The following IRX6 variants were observed in gnomAD, a reference collection of about 807,000 sequenced individuals.
The protein encoded by IRX6 is iroquois homeobox 6, also known as iroquois-class homeodomain protein IRX-6.
IRX6 carries 46 observed loss-of-function variants against 47.7 expected under a neutral mutation model. The observed-to-expected ratio is 0.96, with a 90% CI of 0.76 to 1.23. The LOEUF is 1.23. IRX6 is among the 50% of genes most tolerant of loss of function. The pLI, the probability that IRX6 is intolerant of heterozygous loss-of-function variation, is 0.00. For synonymous variants in IRX6, 265 were observed against 246.2 expected, an observed-to-expected ratio of 1.08 and a Z score of -0.72; for missense variants, 722 against 588.0, an observed-to-expected ratio of 1.23 and a Z score of -2.36.
chr16:55,329,232 G>T lies in IRX6; in HGVS notation c.1254G>T (p.Gln418His). Residue 418 changes from glutamine to histidine, a missense_variant, in exon 5 of 6, where the codon CAG becomes CAT. Physicochemically the swap from Gln to His is conservative, Grantham distance 24. Coordinates refer to ENST00000290552, the MANE Select transcript of IRX6 (RefSeq NM_024335.3). ...KAFGNPKFAL[Q>H]GLPLNCAPCP... ...TTGGAAACCCCAAGTTTGCCCTGCA[G>T]GGACTACCGCTGAACTGTGCGCCGT... The T allele has an allele frequency of 2.0e-5, 33 of 1,613,930 alleles. No individual in the cohort carries two copies. The highest frequency in any genetic ancestry group is 2.8e-5 in the Non-Finnish European group (33 of 1,180,054).
chr16:55,325,042 T>G lies in IRX6; in HGVS notation c.-50T>G, dbSNP rs771569037. The G allele has an allele frequency of 1.9e-6, 3 of 1,600,238 alleles. No homozygotes were observed. The highest frequency in any genetic ancestry group is 1.7e-6 in the Non-Finnish European group (2 of 1,167,828). Reference sequence around the variant, plus strand: ...TGCTGGGGGCGCGGAACAGCTGGGCTGAGACGGGAACTCGACAGGGAAGAG... The same window carrying G: ...TGCTGGGGGCGCGGAACAGCTGGGCGGAGACGGGAACTCGACAGGGAAGAG... On this transcript the variant is annotated 5_prime_UTR_variant, in exon 1 of 6. Transcript: ENST00000290552.
chr16:55,327,676 C>T lies in IRX6; in HGVS notation c.504C>T (p.His168=), dbSNP rs1407624383. ...CACTCAAGGCCTGGCTCAACGAGCACCGCAAAAACCCCTACCCCACTAAGG... is the reference window on the plus strand; with the variant it reads ...CACTCAAGGCCTGGCTCAACGAGCATCGCAAAAACCCCTACCCCACTAAGG... ...TSTLKAWLNE[H]RKNPYPTKGE... is the part of the protein sequence containing the mutation. Residue 168 remains histidine (H), a synonymous_variant, in exon 4 of 6, where the codon CAC becomes CAT. Transcript: ENST00000290552. 7 of 1,612,302 alleles carry T rather than the reference C, an allele frequency of 4.3e-6. No individual in the cohort carries two copies. The highest frequency in any genetic ancestry group is 5.9e-6 in the Non-Finnish European group (7 of 1,180,020).
chr16:55,327,966 C>T (rs1960567153), intron 4 of IRX6, 73 bp downstream of exon 4: 2 of 1,462,900 alleles, frequency 1.4e-6, no homozygotes, highest in Non-Finnish European at 1.8e-6. Flanking sequence ...TCAAAAGCTG[C>T]CCTGTAGGGT....
intron 4 of IRX6, 62 bp from the exon 5 acceptor site, chr16:55,328,638 G>T: frequency 6.4e-7 from 1 of 1,551,958 alleles, no homozygotes; most frequent in South Asian, 1.2e-5. Context: ...CTCGGGGATG[G>T]ACATTCCTCG....
Position 55,330,688 on chromosome 16 carries a change from A to G in IRX6, c.*383A>G, listed in dbSNP as rs917943808. The G allele has an allele frequency of 6.7e-5, 21 of 314,460 alleles. No homozygotes were observed. The highest frequency in any genetic ancestry group is 1.3e-4 in the African/African-American group (6 of 47,622). The allele number at this position is 314,460 out of a possible 1,614,324, so 19.5% of individuals were successfully genotyped here. On this transcript the variant is annotated 3_prime_UTR_variant, in exon 6 of 6. Transcript: ENST00000290552. Reference sequence around the variant, plus strand: ...TGTAACTTCATCACTGACCCGGCCAATAAGGACCCTGTGCGTCTTCTCCCC... The same window carrying G: ...TGTAACTTCATCACTGACCCGGCCAGTAAGGACCCTGTGCGTCTTCTCCCC...
chr16:55,327,480 G>A (rs1478409523), intron 3 of IRX6, 75 bp downstream of exon 3: 29 of 1,566,116 alleles, frequency 1.9e-5, no homozygotes, highest in Non-Finnish European at 2.4e-5. Flanking sequence ...GTGGATGGCG[G>A]CAGGGGAGAG....
chr16:55,327,601 A>G lies in IRX6; in HGVS notation c.429A>G (p.Glu143=), dbSNP rs1960555271. 6.2e-7 allele frequency: 1 copy of G among 1,604,450 alleles called. No individual in the cohort carries two copies. The highest frequency in any genetic ancestry group is 8.5e-7 in the Non-Finnish European group (1 of 1,175,926). ...TCCCCCACAGGTATGGCGCAGTGGA[A>G]TTGAGTGGCGCCGGTCGCCGAAAGA... ...QYQYERYGAV[E]LSGAGRRKNA... The change falls in exon 4 of 6, where the codon GAA becomes GAG. Residue 143 remains glutamate (E), a synonymous_variant. Coordinates refer to ENST00000290552, the MANE Select transcript of IRX6 (RefSeq NM_024335.3).
rs201852173 is a variant in IRX6, at chr16:55,329,316, T to C, written c.1333+5T>C. 6.0e-5 allele frequency: 95 copies of C among 1,591,104 alleles called. 2 individuals carry two copies. The African/African-American group carries it at 1.2e-3, about 20-fold the overall frequency. On this transcript the variant is annotated splice_donor_5th_base_variant and intron_variant, in intron 5 of 5. Transcript: ENST00000290552. ...AGTACCCGTCTGGAGCAGAAGGTAG[T>C]GGGCCCCCAGCGGCGCTGGGAGTAT...
chr16:55,327,780 G>A lies in IRX6; in HGVS notation c.608G>A (p.Arg203His), dbSNP rs774494418. 17 of 1,612,372 alleles carry A rather than the reference G, an allele frequency of 1.1e-5. No individual in the cohort carries two copies. The highest frequency in any genetic ancestry group is 9.9e-5 in the South Asian group (9 of 91,004). Residue 203 changes from arginine (R) to histidine (H), a missense_variant, in exon 4 of 6, where the codon CGC (arginine) becomes CAC (histidine). Arg to His is a conservative substitution (Grantham distance 29, BLOSUM62 0). Transcript: ENST00000290552. ...ACCTGGTTCGCCAACGCACGCCGGCGCCTCAAGAAAGAGAACAAAATGACA... is the reference window on the plus strand; with the variant it reads ...ACCTGGTTCGCCAACGCACGCCGGCACCTCAAGAAAGAGAACAAAATGACA... Reference protein sequence around the residue: ...VSTWFANARRRLKKENKMTWA... With the variant: ...VSTWFANARRHLKKENKMTWA...
chr16:55,327,075 C>T (rs1254086169), intron 2 of IRX6: 2 of 553,706 alleles, frequency 3.6e-6, no homozygotes, highest in East Asian at 5.8e-5. Flanking sequence ...AAGCATTCTG[C>T]CAGCATGGTC....
At chr16:55,329,732 G>T (rs886423260) in intron 5 of IRX6, among the ~76,000 whole-genome samples, 6 of 152,198 alleles carry the variant, frequency 3.9e-5, no homozygotes, top group Non-Finnish European at 7.3e-5. Flanking sequence ...CTAGGGTTGG[G>T]CAGGCACCAG....
chr16:55,329,431 GGA>G (rs1465858581), intron 5 of IRX6, 120 bp downstream of exon 5: 1 of 1,297,554 alleles, frequency 7.7e-7, no homozygotes, highest in African/African-American at 1.5e-5. Flanking sequence ...AGAACTGACG[GGA>G]GATTGCTTTA....
Position 55,327,754 on chromosome 16 carries a change from C to T in IRX6, c.582C>T (p.Ser194=). The stretch of plus-strand genomic sequence containing the variant: ...CCAAGATGACCCTCACCCAGGTGTC[C>T]ACCTGGTTCGCCAACGCACGCCGGC... ...IITKMTLTQV[S]TWFANARRRL... The change falls in exon 4 of 6, where the codon TCC becomes TCT. Residue 194 remains serine, a synonymous_variant. Transcript: ENST00000290552. The T allele has an allele frequency of 1.2e-6, 2 of 1,612,426 alleles. No homozygotes were observed. Among genetic ancestry groups the T allele is most frequent in the Non-Finnish European group, 1.7e-6 (2 of 1,179,928 alleles).
intron 5 of IRX6, 34 bp downstream of exon 5, chr16:55,329,345 T>C (rs1162594550): frequency 1.3e-6 from 2 of 1,560,660 alleles, no homozygotes; most frequent in Admixed American, 3.6e-5. Context: ...GGAGTATCTA[T>C]GCAAAAGACA....
In IRX6 at chr16:55,330,284, C is replaced by A. The variant is rs112425388; in HGVS notation, c.1334-14C>A. The A allele has an allele frequency of 1.8e-5, 29 of 1,613,538 alleles. No homozygotes were observed. Among genetic ancestry groups the A allele is most frequent in the African/African-American group, 1.3e-4 (10 of 75,028 alleles). ...AAACAGCCTTTGGGTTTTAATCAAC[C>A]TTTCCTCTCTCAGCAGGTTAGCGCA... On this transcript the variant is annotated splice_polypyrimidine_tract_variant and intron_variant, in intron 5 of 5. Coordinates refer to ENST00000290552, the MANE Select transcript of IRX6 (RefSeq NM_024335.3).
chr16:55,330,113 G>T (rs1960616543), intron 5 of IRX6, among the ~76,000 whole-genome samples, 185 bp from the exon 6 acceptor site: 1 of 152,256 alleles, frequency 6.6e-6, no homozygotes, highest in African/African-American at 2.4e-5. Flanking sequence ...AGGATTAGCT[G>T]CTGGCTTAGA....
At position 55,328,851 on chromosome 16, in the gene IRX6, A is replaced by T. The variant is rs775098996; in HGVS notation, c.873A>T (p.Ser291=). The T allele has an allele frequency of 4.3e-6, 7 of 1,612,814 alleles. No individual in the cohort carries two copies. Among genetic ancestry groups the T allele is most frequent in the Admixed American group, 3.3e-5 (2 of 60,008 alleles). The stretch of plus-strand genomic sequence containing the variant: ...CGGAGTTCCGAAAGGGCGCGCAGTC[A>T]CTGCCTGGGCCGTGCGCTGCAGCTC... ...RLTEFRKGAQ[S]LPGPCAAARE... is the part of the protein sequence containing the mutation. Residue 291 remains serine, a synonymous_variant, in exon 5 of 6, where the codon TCA becomes TCT. Coordinates refer to ENST00000290552, the MANE Select transcript of IRX6 (RefSeq NM_024335.3).
At chr16:55,325,530 G>GGAGAGAGA (rs750802559) in intron 1 of IRX6, among the ~76,000 whole-genome samples, 13 of 9,080 alleles carry the variant, frequency 1.4e-3, no homozygotes, top group African/African-American at 6.1e-3. Context: ...AAGGAAGGAA[G>GGAGAGAGA]GAGAGAGAGA....
Position 55,328,944 on chromosome 16 carries a change from C to T in IRX6, c.966C>T (p.Ser322=), listed in dbSNP as rs1263250977. 3 of 1,613,544 alleles carry T rather than the reference C, an allele frequency of 1.9e-6. No individual in the cohort carries two copies. Among genetic ancestry groups the T allele is most frequent in the Admixed American group, 3.3e-5 (2 of 60,034 alleles). Residue 322 remains serine, a synonymous_variant, in exon 5 of 6, where the codon TCC becomes TCT. Coordinates refer to ENST00000290552, the MANE Select transcript of IRX6 (RefSeq NM_024335.3). ...CCCGCTTCTCCTTCAATGACCCTTC[C>T]GGATCGGAAGAAGCTGACTTCCTCT... ...AAPRFSFNDP[S]GSEEADFLSA... is the part of the protein sequence containing the mutation.
Sources: allele counts gnomAD v4.1 joint callset (sites outside exome capture counted in the v4.1 genomes callset), GRCh38; gene constraint gnomAD v4.1.1; transcripts MANE v1.5; gene names NCBI Gene and HGNC (gene_info 2026-07-23, HGNC 2026-07-21).